PPP1R1C: variants seen among roughly 807,000 people sequenced by gnomAD.
The protein encoded by PPP1R1C is protein phosphatase 1 regulatory inhibitor subunit 1C, also known as protein phosphatase 1 regulatory subunit 1C.
A neutral mutation model predicts 17.4 loss-of-function variants in PPP1R1C; 15 were observed. The ratio of observed to expected loss-of-function variants is 0.86; its 90% confidence interval spans 0.58 to 1.33. The LOEUF (loss-of-function observed/expected upper bound fraction) is 1.33. Among genes scored for constraint, PPP1R1C ranks in the 40% most tolerant of loss-of-function variants. The pLI is 0.00. For missense variants in PPP1R1C, 143 were observed against 130.0 expected, an observed-to-expected ratio of 1.10 and a Z score of -0.48; for synonymous variants, 35 against 43.1, an observed-to-expected ratio of 0.81 and a Z score of 0.73.
intron 4 of PPP1R1C, among the ~76,000 whole-genome samples, chr2:182,098,982 T>C (rs184383312): frequency 6.6e-6 from 1 of 152,248 alleles, no homozygotes; most frequent in Admixed American, 6.5e-5. Flanking sequence ...AGAAAAATAT[T>C]GTTAAAATGT....
intron 2 of PPP1R1C, among the ~76,000 whole-genome samples, chr2:182,035,805 A>G (rs1686986601): frequency 2.6e-5 from 4 of 152,162 alleles, no homozygotes; most frequent in South Asian, 2.1e-4. Context: ...TCTCTTCTTT[A>G]TAAATTACCC....
intron 2 of PPP1R1C, among the ~76,000 whole-genome samples, chr2:181,994,902 A>C (rs866518038): frequency 3.3e-5 from 5 of 152,328 alleles, no homozygotes; most frequent in Middle Eastern, 3.4e-3. Context: ...TTTGGGCTTT[A>C]AGCTATTAAG....
intron 2 of PPP1R1C, among the ~76,000 whole-genome samples, chr2:182,059,155 A>C: frequency 6.6e-6 from 1 of 152,126 alleles, no homozygotes; most frequent in East Asian, 1.9e-4. Flanking sequence ...AATATTTCTT[A>C]AAATGTTATA....
intron 4 of PPP1R1C, among the ~76,000 whole-genome samples, chr2:182,075,148 T>A (rs1688256069): frequency 6.6e-6 from 1 of 152,258 alleles, no homozygotes; most frequent in Non-Finnish European, 1.5e-5. Flanking sequence ...AGCTATGTTG[T>A]ACTTTCATTA....
At chr2:182,030,474 G>A (rs1439730042) in intron 2 of PPP1R1C, among the ~76,000 whole-genome samples, 1 of 150,908 alleles carries the variant, frequency 6.6e-6, no homozygotes, top group East Asian at 2.0e-4. Flanking sequence ...ACCCTGCCGT[G>A]TGAGATGTCA....
chr2:182,055,627 A>G (rs1227100845), intron 2 of PPP1R1C, among the ~76,000 whole-genome samples: 1 of 152,176 alleles, frequency 6.6e-6, no homozygotes, highest in Non-Finnish European at 1.5e-5. Context: ...TTCCTAAAGG[A>G]TGATTTTACT....
intron 2 of PPP1R1C, among the ~76,000 whole-genome samples, chr2:182,059,559 C>A (rs1687788501): frequency 6.6e-6 from 1 of 152,086 alleles, no homozygotes; most frequent in African/African-American, 2.4e-5. Context: ...CAACTATGAT[C>A]TGTTATTGGC....
intron 4 of PPP1R1C, among the ~76,000 whole-genome samples, chr2:182,100,205 C>T (rs1397234843): frequency 6.6e-6 from 1 of 151,962 alleles, no homozygotes; most frequent in African/African-American, 2.4e-5. Flanking sequence ...AAAGGAGATT[C>T]CAGGGAAGAT....
intron 4 of PPP1R1C, among the ~76,000 whole-genome samples, chr2:182,078,660 G>T (rs567330424): frequency 2.2e-4 from 34 of 152,312 alleles, no homozygotes; most frequent in Non-Finnish European, 4.0e-4. Flanking sequence ...AGAAACGTGG[G>T]CTTGAATCCC....
At chr2:182,004,305 A>C (rs1685852615) in intron 2 of PPP1R1C, among the ~76,000 whole-genome samples, 1 of 152,220 alleles carries the variant, frequency 6.6e-6, no homozygotes, top group South Asian at 2.1e-4. Context: ...ACAGATTTTC[A>C]GTATAGCACC....
At position 182,123,986 on chromosome 2, in the gene PPP1R1C, G is replaced by C. The variant is rs529782501; in HGVS notation, c.*7-4988G>C. Among the ~76,000 whole-genome samples, 107 of 152,124 alleles carry C rather than the reference G, an allele frequency of 7.0e-4. 1 individual carries two copies. The highest frequency in any genetic ancestry group is 1.3e-3 in the Non-Finnish European group (89 of 68,014). On this transcript the variant is annotated intron_variant, in intron 5 of 5. Transcript: ENST00000280295. ...TTCTTATAGGGTTTTTATGGTTTTAGTTCTAACATTTAAATCTTTAATCCA... is the reference window on the plus strand; with the variant it reads ...TTCTTATAGGGTTTTTATGGTTTTACTTCTAACATTTAAATCTTTAATCCA...
At chr2:182,098,470 A>G (rs1043568632) in intron 4 of PPP1R1C, among the ~76,000 whole-genome samples, 2 of 152,186 alleles carry the variant, frequency 1.3e-5, no homozygotes, top group African/African-American at 4.8e-5. Flanking sequence ...TTATTTATGT[A>G]AAGAGTATTA....
At chr2:182,020,787 GGT>G (rs1491090762) in intron 2 of PPP1R1C, among the ~76,000 whole-genome samples, 4 of 152,000 alleles carry the variant, frequency 2.6e-5, no homozygotes, top group Non-Finnish European at 5.9e-5. Flanking sequence ...TTTTCTATAT[GGT>G]ATTTCATTTC....
At chr2:182,031,408 T>C (rs1413722266) in intron 2 of PPP1R1C, among the ~76,000 whole-genome samples, 3 of 152,234 alleles carry the variant, frequency 2.0e-5, no homozygotes, top group African/African-American at 7.2e-5. Flanking sequence ...AAAAAAGTCG[T>C]TAAGTTGCTA....
chr2:181,974,141 A>G (rs980342420), intron 1 of PPP1R1C, among the ~76,000 whole-genome samples: 1 of 151,806 alleles, frequency 6.6e-6, no homozygotes, highest in Non-Finnish European at 1.5e-5. Flanking sequence ...ACTTTAAGGT[A>G]AAAAAAAGTC....
chr2:182,048,459 A>G (rs1428351583), intron 2 of PPP1R1C, among the ~76,000 whole-genome samples: 1 of 152,254 alleles, frequency 6.6e-6, no homozygotes, highest in Non-Finnish European at 1.5e-5. Context: ...AGCCTTACTA[A>G]AAAGAAATTA....
At chr2:182,078,572 A>G (rs1197474358) in intron 4 of PPP1R1C, among the ~76,000 whole-genome samples, 1 of 152,218 alleles carries the variant, frequency 6.6e-6, no homozygotes, top group Non-Finnish European at 1.5e-5. Flanking sequence ...AATCCTATGT[A>G]TCTCATCTTT....
chr2:182,004,030 C>T (rs1308204446), intron 2 of PPP1R1C, among the ~76,000 whole-genome samples: 1 of 152,140 alleles, frequency 6.6e-6, no homozygotes, highest in Admixed American at 6.5e-5. Flanking sequence ...ACGGCTCTGA[C>T]TGGAGAGCTC....
At chr2:181,998,165 C>CTT (rs1371114012) in intron 2 of PPP1R1C, among the ~76,000 whole-genome samples, 1 of 152,162 alleles carries the variant, frequency 6.6e-6, no homozygotes, top group Admixed American at 6.5e-5. Context: ...GAGTAAATGT[C>CTT]TGAGTCTTAG....
Sources: allele counts gnomAD v4.1 joint callset (sites outside exome capture counted in the v4.1 genomes callset), GRCh38; gene constraint gnomAD v4.1.1; transcripts MANE v1.5; gene names NCBI Gene and HGNC (gene_info 2026-07-23, HGNC 2026-07-21).